The following NBAS variants were observed in gnomAD, a reference collection of about 807,000 sequenced individuals.
NBAS encodes NBAS subunit of NRZ tethering complex.
In NBAS, 219 loss-of-function variants were observed where a neutral mutation model predicts 302.5. That is an observed-to-expected ratio of 0.72 (90% CI 0.65 to 0.81). NBAS has a LOEUF of 0.81. Among genes scored for constraint, NBAS ranks in the 30% least tolerant of loss-of-function variants. The pLI is 0.00. For missense variants in NBAS, 2,932 were observed against 2,841.6 expected, an observed-to-expected ratio of 1.03 and a Z score of -0.72; for synonymous variants, 1,118 against 1,021.6, an observed-to-expected ratio of 1.09 and a Z score of -1.80.
the NBAS span, among the ~76,000 whole-genome samples, chr2:14,868,294 C>T: frequency 6.6e-6 from 1 of 152,182 alleles, no homozygotes; most frequent in East Asian, 1.9e-4. Context: ...ATTGCTGCTT[C>T]GGGGCACCTT....
intron 42 of NBAS, among the ~76,000 whole-genome samples, chr2:15,278,575 G>T (rs1349709585): frequency 6.6e-6 from 1 of 152,084 alleles, no homozygotes. Context: ...TATTATGAAC[G>T]CCAAATAGAT....
At chr2:15,362,986 G>A (rs1411737009) in intron 32 of NBAS, among the ~76,000 whole-genome samples, 1 of 152,128 alleles carries the variant, frequency 6.6e-6, no homozygotes, top group Non-Finnish European at 1.5e-5. Context: ...ACTTTGGGAG[G>A]CTGCGACAGG....
chr2:15,237,324 CA>C (rs1667640311), intron 45 of NBAS, among the ~76,000 whole-genome samples: 1 of 151,760 alleles, frequency 6.6e-6, no homozygotes, highest in African/African-American at 2.4e-5. Context: ...AACCTCATCA[CA>C]GGTAGGGAAC....
At chr2:15,196,201 C>T (rs920556982) in intron 48 of NBAS, among the ~76,000 whole-genome samples, 9 of 152,196 alleles carry the variant, frequency 5.9e-5, no homozygotes, top group Non-Finnish European at 1.0e-4. Flanking sequence ...AACTGAGTTG[C>T]TACAAAGCCA....
chr2:15,198,615 T>A (rs1439899536), intron 48 of NBAS, among the ~76,000 whole-genome samples: 1 of 152,162 alleles, frequency 6.6e-6, no homozygotes, highest in Non-Finnish European at 1.5e-5. Flanking sequence ...GGGAACATTG[T>A]GTATGTTCCA....
At chr2:15,074,283 G>A in the NBAS span, among the ~76,000 whole-genome samples, 1 of 150,578 alleles carries the variant, frequency 6.6e-6, no homozygotes, top group Non-Finnish European at 1.5e-5. Flanking sequence ...CCTTATTCCT[G>A]TATAAAAATT....
chr2:15,101,664 C>T, the NBAS span, among the ~76,000 whole-genome samples: 4 of 152,188 alleles, frequency 2.6e-5, no homozygotes, highest in Middle Eastern at 3.4e-3. Context: ...AATGATTAAC[C>T]GATGGATGGA....
the NBAS span, among the ~76,000 whole-genome samples, chr2:15,144,427 T>C: frequency 2.1e-4 from 32 of 152,348 alleles, no homozygotes; most frequent in East Asian, 6.0e-3. Context: ...ATGACTTTTA[T>C]GTTTGGCTTG....
chr2:15,186,497 G>T (rs1268014462), intron 50 of NBAS, among the ~76,000 whole-genome samples: 1 of 152,090 alleles, frequency 6.6e-6, no homozygotes, highest in Non-Finnish European at 1.5e-5. Flanking sequence ...GCATCCAGAA[G>T]AAACTGAAAA....
the NBAS span, among the ~76,000 whole-genome samples, chr2:15,056,166 G>T: frequency 2.0e-5 from 3 of 151,400 alleles, 1 homozygote; most frequent in Admixed American, 2.0e-4. Context: ...ACTGATAGAT[G>T]TACCATGTGA....
At chr2:14,894,959 G>A in the NBAS span, among the ~76,000 whole-genome samples, 1 of 152,146 alleles carries the variant, frequency 6.6e-6, no homozygotes, top group African/African-American at 2.4e-5. Flanking sequence ...GGGAGGCTGA[G>A]GCAGGAGAAT....
chr2:14,865,709 T>C, the NBAS span, among the ~76,000 whole-genome samples: 50 of 152,340 alleles, frequency 3.3e-4, no homozygotes, highest in South Asian at 9.9e-3. Context: ...ACTAGACTTA[T>C]AGAAATATAG....
intron 41 of NBAS, among the ~76,000 whole-genome samples, chr2:15,289,163 A>C (rs190477602): frequency 6.6e-6 from 1 of 151,174 alleles, no homozygotes; most frequent in East Asian, 1.9e-4. Context: ...TGTAGCCTTG[A>C]CCTCCCAGGC....
At chr2:15,453,314 T>A (rs915027390) in intron 21 of NBAS, among the ~76,000 whole-genome samples, 1 of 152,192 alleles carries the variant, frequency 6.6e-6, no homozygotes, top group Non-Finnish European at 1.5e-5. Flanking sequence ...GGAAGAACCC[T>A]TCTGCCAACA....
At chr2:15,137,177 C>T in the NBAS span, among the ~76,000 whole-genome samples, 1 of 152,182 alleles carries the variant, frequency 6.6e-6, no homozygotes, top group African/African-American at 2.4e-5. Context: ...CTTTCCCAGG[C>T]TCAGAATTTG....
chr2:15,237,375 T>C (rs2147941454), intron 45 of NBAS, among the ~76,000 whole-genome samples: 1 of 152,098 alleles, frequency 6.6e-6, no homozygotes, highest in Middle Eastern at 3.4e-3. Context: ...ACCAAGGAAC[T>C]AGAAACCACC....
the NBAS span, among the ~76,000 whole-genome samples, chr2:14,871,628 ATAG>A: frequency 9.9e-5 from 15 of 152,238 alleles, no homozygotes; most frequent in South Asian, 2.1e-4. Context: ...AAAATGTATA[ATAG>A]TAGCACAAAA....
chr2:14,896,534 G>A, the NBAS span, among the ~76,000 whole-genome samples: 3 of 151,962 alleles, frequency 2.0e-5, no homozygotes, highest in Non-Finnish European at 2.9e-5. Context: ...GATCCTAAGC[G>A]CAAGGAACCA....
At chr2:15,313,075 G>A (rs1671349976) in intron 38 of NBAS, among the ~76,000 whole-genome samples, 1 of 152,068 alleles carries the variant, frequency 6.6e-6, no homozygotes, top group Non-Finnish European at 1.5e-5. Context: ...ATCTTCATTA[G>A]TTTCCCATTC....
Sources: gnomAD v4.1 joint callset for allele counts (sites outside exome capture counted in the v4.1 genomes callset) on GRCh38, gnomAD v4.1.1 for gene constraint, MANE v1.5 for transcripts, NCBI Gene and HGNC (gene_info 2026-07-23, HGNC 2026-07-21) for gene names.